The following TMEM156 variants were observed in gnomAD, a reference collection of about 807,000 sequenced individuals.
TMEM156 encodes the protein transmembrane protein 156.
In TMEM156, 28 loss-of-function variants were observed where a neutral mutation model predicts 30.5. The observed-to-expected ratio is 0.92, with a 90% CI of 0.68 to 1.26. TMEM156 has a LOEUF of 1.26. Among genes scored for constraint, TMEM156 ranks in the 50% most tolerant of loss-of-function variants. TMEM156 has a pLI of 0.00. For missense variants in TMEM156, 351 were observed against 340.6 expected (o/e 1.03, Z -0.24); for synonymous variants, 137 against 119.9 (o/e 1.14, Z -0.93).
At chr4:39,016,828 A>T (rs1339299636) in intron 1 of TMEM156, among the ~76,000 whole-genome samples, 1 of 152,176 alleles carries the variant, frequency 6.6e-6, no homozygotes, top group East Asian at 1.9e-4. Context: ...CACGCTGCTA[A>T]TAAAGACATA....
At position 38,971,071 on chromosome 4, in the gene TMEM156, T is replaced by C. The variant is rs140693293; in HGVS notation, c.890A>G (p.Ter297=). The C allele has an allele frequency of 3.0e-3, 4,839 of 1,613,844 alleles. 68 individuals are homozygous for C. In the East Asian group the frequency reaches 0.035, roughly 12 times the overall value. ...QEVLPPIPEL[*] Reference sequence around the variant, plus strand: ...TCACTGATGCACTGTGGAAGTAACTTATAGTTCTGGAATTGGGGGAAGCAC... The same window carrying C: ...TCACTGATGCACTGTGGAAGTAACTCATAGTTCTGGAATTGGGGGAAGCAC... Residue 297 remains the stop codon, a stop_retained_variant, in exon 6 of 7, where the codon TAA becomes TGA. Transcript: ENST00000381938.
intron 2 of TMEM156, among the ~76,000 whole-genome samples, chr4:38,995,971 T>A (rs11726119): frequency 0.21 from 31,766 of 151,910 alleles, 3,392 homozygotes; most frequent in East Asian, 0.22. Context: ...AAGGAAACAA[T>A]CAGCAGAGTG....
chr4:39,008,684 C>T (rs1713906739), intron 1 of TMEM156, among the ~76,000 whole-genome samples: 1 of 152,052 alleles, frequency 6.6e-6, no homozygotes, highest in South Asian at 2.1e-4. Context: ...ACAACTTGCT[C>T]CTGAATGAAA....
rs538166515 is a variant in TMEM156 at position 38,998,645 on chromosome 4, G to A, written c.353C>T (p.Ser118Leu). 3.5e-5 allele frequency: 57 copies of A among 1,607,728 alleles called. 1 individual carries two copies. The African/African-American group carries it at 7.2e-4, about 20-fold the overall frequency. ...NMDFISQEQT[S>L]KVLIRRGSME... ...CACCTTCACTTTGTGTTTACCTTTTGATGTTTGTTCCTGAGAAATAAAATC... is the reference window on the plus strand; with the variant it reads ...CACCTTCACTTTGTGTTTACCTTTTAATGTTTGTTCCTGAGAAATAAAATC... Residue 118 changes from serine (S) to leucine (L), a missense_variant, in exon 2 of 7, where the codon TCA becomes TTA. Transcript: ENST00000381938.
intron 3 of TMEM156, among the ~76,000 whole-genome samples, chr4:38,989,987 G>T (rs562297543): frequency 2.3e-3 from 349 of 152,128 alleles, no homozygotes; most frequent in African/African-American, 7.9e-3. Context: ...TAGAGATGGG[G>T]TTTCACCATG....
In TMEM156 at chr4:38,984,199, G is replaced by A. The variant is rs188670071; in HGVS notation, c.823+2137C>T. Among the ~76,000 whole-genome samples, 51 of 152,148 alleles carry A rather than the reference G, an allele frequency of 3.4e-4. No individual in the cohort carries two copies. The East Asian group carries it at 7.9e-3, about 24-fold the overall frequency. Reference sequence around the variant, plus strand: ...TGCATTTATTCCATCAGTGTCCACCGTGCCCCTAGAATCTGCCAGGCACAA... The same window carrying A: ...TGCATTTATTCCATCAGTGTCCACCATGCCCCTAGAATCTGCCAGGCACAA... On this transcript the variant is annotated intron_variant, in intron 5 of 6. Transcript: ENST00000381938.
intron 5 of TMEM156, among the ~76,000 whole-genome samples, chr4:38,977,126 AAC>A (rs199786466): frequency 0.064 from 9,668 of 152,222 alleles, 561 homozygotes; most frequent in African/African-American, 0.15. Flanking sequence ...GCTGGTCTCA[AAC>A]TCCTGGCCTC....
At chr4:38,977,350 A>G (rs527718395) in intron 5 of TMEM156, among the ~76,000 whole-genome samples, 36 of 152,226 alleles carry the variant, frequency 2.4e-4, no homozygotes, top group Non-Finnish European at 3.8e-4. Flanking sequence ...AGCATAAAAT[A>G]TAACTGTAAT....
At chr4:38,986,486 T>C (rs1003290127) in intron 4 of TMEM156, 67 bp from the exon 5 acceptor site, 12 of 1,218,496 alleles carry the variant, frequency 9.8e-6, no homozygotes, top group Middle Eastern at 1.9e-4. Context: ...ATATTCCCCA[T>C]GTTGGTTCAA....
chr4:39,025,345 CAA>C (rs59380844), intron 1 of TMEM156, among the ~76,000 whole-genome samples: 22 of 65,764 alleles, frequency 3.3e-4, no homozygotes, highest in East Asian at 2.1e-3. Flanking sequence ...AAGACTGTCT[CAA>C]AAAAAAAAAA....
chr4:39,002,885 G>C (rs60271529), intron 1 of TMEM156, among the ~76,000 whole-genome samples: 41,553 of 149,526 alleles, frequency 0.28, 6,209 homozygotes, highest in East Asian at 0.44. Flanking sequence ...GGCCTGTTGT[G>C]GGGGGGTGGA....
At chr4:38,988,793 G>A (rs1303560418) in intron 4 of TMEM156, 58 bp downstream of exon 4, 7 of 1,601,932 alleles carry the variant, frequency 4.4e-6, no homozygotes, top group Non-Finnish European at 6.0e-6. Context: ...TACTAAAAAG[G>A]AAATGAAATC....
chr4:39,026,806 A>T (rs1187933407), intron 1 of TMEM156, among the ~76,000 whole-genome samples: 3 of 152,112 alleles, frequency 2.0e-5, no homozygotes, highest in African/African-American at 7.2e-5. Flanking sequence ...GCGTGCCTGT[A>T]GTCCCAGCTA....
intron 1 of TMEM156, among the ~76,000 whole-genome samples, chr4:39,000,488 G>A (rs1321200047): frequency 6.6e-6 from 1 of 152,162 alleles, no homozygotes; most frequent in African/African-American, 2.4e-5. Flanking sequence ...TTTCTTACTA[G>A]CAAAATAGAG....
intron 2 of TMEM156, among the ~76,000 whole-genome samples, chr4:38,997,778 G>A (rs981224357): frequency 6.6e-6 from 1 of 152,178 alleles, no homozygotes; most frequent in Non-Finnish European, 1.5e-5. Context: ...TATTTATTCA[G>A]TTGTTCATTC....
chr4:38,993,317 G>A (rs1310834688), intron 3 of TMEM156, among the ~76,000 whole-genome samples: 5 of 151,890 alleles, frequency 3.3e-5, no homozygotes, highest in East Asian at 3.9e-4. Flanking sequence ...TGTAGTCCCA[G>A]CTACTCAGGA....
At chr4:38,999,577 A>C (rs1347258637) in intron 1 of TMEM156, among the ~76,000 whole-genome samples, 2 of 152,226 alleles carry the variant, frequency 1.3e-5, no homozygotes, top group East Asian at 3.8e-4. Flanking sequence ...CTGCTGTAAC[A>C]AATTTCCACA....
In TMEM156 at chr4:38,971,124, C is replaced by A. The variant is rs757380948; in HGVS notation, c.837G>T (p.Gln279His). ...NVQVLSAETT[Q>H]RLPLDQVQEV... The stretch of plus-strand genomic sequence containing the variant: ...CCTGGACTTGATCCAAAGGCAGCCT[C>A]TGCGTGGTCTCTGCTATTTAAGAAG... The change falls in exon 6 of 7, where the codon CAG becomes CAT. Residue 279 changes from glutamine to histidine, a missense_variant. Gln to His is a conservative substitution (Grantham distance 24, BLOSUM62 0). Coordinates refer to ENST00000381938, the MANE Select transcript of TMEM156 (RefSeq NM_024943.3). 1 of 1,614,002 alleles carries A rather than the reference C, an allele frequency of 6.2e-7. No homozygotes were observed. Among genetic ancestry groups the A allele is most frequent in the South Asian group, 1.1e-5 (1 of 91,062 alleles).
At chr4:39,007,879 C>T (rs552233800) in intron 1 of TMEM156, among the ~76,000 whole-genome samples, 68 of 152,080 alleles carry the variant, frequency 4.5e-4, no homozygotes, top group African/African-American at 1.6e-3. Flanking sequence ...TCCTCCTAGG[C>T]GCCTTGCTTT....
Sources: allele counts gnomAD v4.1 joint callset (sites outside exome capture counted in the v4.1 genomes callset), GRCh38; gene constraint gnomAD v4.1.1; transcripts MANE v1.5; gene names NCBI Gene and HGNC (gene_info 2026-07-23, HGNC 2026-07-21).